ZSWIM2: variants seen among roughly 807,000 people sequenced by gnomAD.
ZSWIM2 encodes the protein zinc finger SWIM-type containing 2.
ZSWIM2 carries 38 observed loss-of-function variants against 48.4 expected under a neutral mutation model. The ratio of observed to expected loss-of-function variants is 0.79; its 90% CI spans 0.61 to 1.03. The LOEUF (loss-of-function observed/expected upper bound fraction) is 1.03. Ranked by LOEUF, ZSWIM2 falls within the 50% of genes least tolerant of loss-of-function variation. The pLI, the probability that ZSWIM2 is intolerant of heterozygous loss-of-function variation, is 0.00. For synonymous variants in ZSWIM2, 240 were observed against 251.3 expected, an observed-to-expected ratio of 0.96 and a Z score of 0.42; for missense variants, 776 against 730.2, an observed-to-expected ratio of 1.06 and a Z score of -0.72.
At chr2:186,831,149 T>G (rs1691691730) in intron 7 of ZSWIM2, among the ~76,000 whole-genome samples, 1 of 152,100 alleles carries the variant, frequency 6.6e-6, no homozygotes, top group African/African-American at 2.4e-5. Context: ...ATCTCCTAAG[T>G]CCAACCGTTA....
chr2:186,843,265 A>G (rs547201255), intron 3 of ZSWIM2, among the ~76,000 whole-genome samples: 2 of 151,768 alleles, frequency 1.3e-5, no homozygotes, highest in East Asian at 3.9e-4. Flanking sequence ...AGTGAATACA[A>G]TGGAGAAGTC....
intron 5 of ZSWIM2, among the ~76,000 whole-genome samples, chr2:186,835,088 T>G (rs542828814): frequency 6.6e-6 from 1 of 152,314 alleles, no homozygotes; most frequent in South Asian, 2.1e-4. Context: ...CATTTGATTA[T>G]CCAGTGCTGC....
intron 2 of ZSWIM2, among the ~76,000 whole-genome samples, 169 bp downstream of exon 2, chr2:186,847,550 A>G (rs1224418741): frequency 6.6e-6 from 1 of 152,180 alleles, no homozygotes; most frequent in East Asian, 1.9e-4. Flanking sequence ...TTTTCAGAAT[A>G]AAATGAAATA....
rs911725008 is a variant in ZSWIM2 at position 186,827,856 on chromosome 2, A to G, written c.*128T>C. 4 of 718,798 alleles carry G rather than the reference A, an allele frequency of 5.6e-6. No homozygotes were observed. Among genetic ancestry groups the G allele is most frequent in the South Asian group, 2.3e-5 (1 of 42,594 alleles). The allele number at this position is 718,798 out of a possible 1,614,324, so 44.5% of individuals were successfully genotyped here. On this transcript the variant is annotated 3_prime_UTR_variant, in exon 9 of 9. Coordinates refer to ENST00000295131, the MANE Select transcript of ZSWIM2 (RefSeq NM_182521.3). ...TTCCTTTAAGTGTAGTGAGCTGTTTATAGGTAAGTAGGCAAATTCCAACAG... is the reference window on the plus strand; with the variant it reads ...TTCCTTTAAGTGTAGTGAGCTGTTTGTAGGTAAGTAGGCAAATTCCAACAG...
rs1367944367 is a variant in ZSWIM2, at chr2:186,827,545, T to G, written c.*439A>C. On this transcript the variant is annotated 3_prime_UTR_variant, in exon 9 of 9. Transcript: ENST00000295131. ...GTATAAGAAAACTCCTTTATGGAGT[T>G]TTTTAAGGTTTTTTTTTATAGGTTT... 7.1e-6 allele frequency among the ~76,000 whole-genome samples: 1 copy of G among 141,228 alleles called. No homozygotes were observed. 92.7% of individuals were successfully genotyped at this position (141,228 alleles called of 152,430 possible).
intron 7 of ZSWIM2, among the ~76,000 whole-genome samples, chr2:186,830,253 G>T (rs10178860): frequency 0.18 from 27,728 of 151,960 alleles, 3,852 homozygotes; most frequent in African/African-American, 0.4. Context: ...ATGGTGGCAG[G>T]TGCCTGTAAT....
chr2:186,847,655 G>A, intron 2 of ZSWIM2, 64 bp downstream of exon 2: 1 of 1,249,534 alleles, frequency 8.0e-7, no homozygotes, highest in Non-Finnish European at 1.1e-6. Flanking sequence ...CCATGACAAA[G>A]GCAAAATATT....
At chr2:186,841,519 C>T (rs964658851) in intron 3 of ZSWIM2, among the ~76,000 whole-genome samples, 1 of 151,210 alleles carries the variant, frequency 6.6e-6, no homozygotes, top group Non-Finnish European at 1.5e-5. Flanking sequence ...AATATTAACA[C>T]TTCTACTCCA....
At chr2:186,848,689 T>C in intron 1 of ZSWIM2, 1 of 360,368 alleles carries the variant, frequency 2.8e-6, no homozygotes, top group Non-Finnish European at 5.2e-6. Context: ...TTCATACGCC[T>C]CTGACATTTT....
Position 186,828,028 on chromosome 2 carries a change from T to C in ZSWIM2, c.1858A>G (p.Lys620Glu). Residue 620 changes from lysine to glutamate, a missense_variant, in exon 9 of 9, where the codon AAA becomes GAA. Lys to Glu is a moderately conservative substitution (Grantham distance 56). Transcript: ENST00000295131. ...ATTATTAAAGATAGCTCAGTACTTT[T>C]TGTATTTACAGAGTGAGACACAGGC... ...RQPVSHSVNT[K>E]STELSLIIEG... 1 of 1,609,922 alleles carries C rather than the reference T, an allele frequency of 6.2e-7. No individual in the cohort carries two copies.
intron 7 of ZSWIM2, among the ~76,000 whole-genome samples, chr2:186,831,361 G>T (rs946307439): frequency 6.6e-6 from 1 of 151,208 alleles, no homozygotes; most frequent in African/African-American, 2.4e-5. Context: ...ATACGTGTGT[G>T]GGGGTACAGG....
At chr2:186,845,186 A>T (rs13406781) in intron 2 of ZSWIM2, among the ~76,000 whole-genome samples, 150,305 of 151,078 alleles carry the variant, frequency 0.99, 74,773 homozygotes, top group Middle Eastern at 1. Context: ...AATTTTTTTT[A>T]AATTTTACCA....
At chr2:186,833,283 T>C in intron 6 of ZSWIM2, 51 bp from the exon 7 acceptor site, 3 of 893,162 alleles carry the variant, frequency 3.4e-6, no homozygotes, top group Non-Finnish European at 5.1e-6. Flanking sequence ...GATATTTTCA[T>C]TTTGTGGAGA....
At chr2:186,834,140 A>C in intron 5 of ZSWIM2, 110 bp from the exon 6 acceptor site, 1 of 741,128 alleles carries the variant, frequency 1.3e-6, no homozygotes. Context: ...AAACATGACA[A>C]GGTTCACCTC....
Position 186,827,907 on chromosome 2 carries a change from C to A in ZSWIM2, c.*77G>T. On this transcript the variant is annotated 3_prime_UTR_variant, in exon 9 of 9. Transcript: ENST00000295131. ...AGAATTTTATATACATTTGTCAAGA[C>A]TATGTGTGCTTTTTATGTTCTATAT... 8.2e-7 allele frequency: 1 copy of A among 1,223,718 alleles called. No homozygotes were observed. The highest frequency in any genetic ancestry group is 1.1e-6 in the Non-Finnish European group (1 of 906,932). The allele number at this position is 1,223,718 out of a possible 1,614,324, so 75.8% of individuals were successfully genotyped here. A position where few individuals can be genotyped will look rare whatever the true frequency, so the allele number is the denominator to read the frequency against.
chr2:186,848,947 C>T lies in ZSWIM2; in HGVS notation c.165+19G>A, dbSNP rs760431242. 12 of 1,612,814 alleles carry T rather than the reference C, an allele frequency of 7.4e-6. No individual in the cohort carries two copies. In the African/African-American group the frequency reaches 1.3e-4, roughly 18 times the overall value. Reference sequence around the variant, plus strand: ...GGCGGGGATGATGGCCAACTGGGGGCGGTAGGGGCGGTAGTTACTCGGAAA... The same window carrying T: ...GGCGGGGATGATGGCCAACTGGGGGTGGTAGGGGCGGTAGTTACTCGGAAA... On this transcript the variant is annotated intron_variant, in intron 1 of 8. Coordinates refer to ENST00000295131, the MANE Select transcript of ZSWIM2 (RefSeq NM_182521.3).
At chr2:186,847,282 AG>A (rs1692021989) in intron 2 of ZSWIM2, among the ~76,000 whole-genome samples, 1 of 152,098 alleles carries the variant, frequency 6.6e-6, no homozygotes, top group African/African-American at 2.4e-5. Context: ...AATACGGAAA[AG>A]GTGAACACTT....
At chr2:186,848,927 G>T in intron 1 of ZSWIM2, 39 bp downstream of exon 1, 2 of 1,611,786 alleles carry the variant, frequency 1.2e-6, no homozygotes, top group Non-Finnish European at 8.5e-7. Flanking sequence ...TGGTGGGCGG[G>T]GATGATGGCC....
Position 186,833,889 on chromosome 2 carries a change from TA to T in ZSWIM2, c.828+56del. On this transcript the variant is annotated intron_variant, in intron 6 of 8. Coordinates refer to ENST00000295131, the MANE Select transcript of ZSWIM2 (RefSeq NM_182521.3). ...TATTCTTCTTATTCTTACACTGACT[TA>T]GCTCTACAACAGGACAAATAGAAAC... The T allele has an allele frequency of 2.2e-6, 3 of 1,376,052 alleles. 1 individual carries two copies. The South Asian group carries it at 3.5e-5, about 16-fold the overall frequency. The allele number at this position is 1,376,052 out of a possible 1,614,324, so 85.2% of individuals were successfully genotyped here.
Sources: allele counts gnomAD v4.1 joint callset (sites outside exome capture counted in the v4.1 genomes callset), GRCh38; gene constraint gnomAD v4.1.1; transcripts MANE v1.5; gene names NCBI Gene and HGNC (gene_info 2026-07-23, HGNC 2026-07-21).